The following ETHE1 variants were observed in gnomAD, a reference collection of about 807,000 sequenced individuals.
ETHE1 encodes ETHE1 persulfide dioxygenase.
A neutral mutation model predicts 25.7 loss-of-function variants in ETHE1; 16 were observed. That is an observed-to-expected ratio of 0.62 (90% CI 0.42 to 0.95). The LOEUF is 0.95. ETHE1 is among the 40% of genes least tolerant of loss of function. ETHE1 has a pLI of 0.00. For synonymous variants in ETHE1, 139 were observed against 135.9 expected (o/e 1.02, Z -0.16); for missense variants, 300 against 333.6 (o/e 0.90, Z 0.79).
intron 3 of ETHE1, among the ~76,000 whole-genome samples, chr19:43,515,226 G>A (rs371522386): frequency 3.7e-4 from 56 of 152,078 alleles, no homozygotes; most frequent in African/African-American, 1.0e-3. Context: ...AGACCACCCC[G>A]GCCAATGTGG....
chr19:43,511,536 T>A lies in ETHE1; in HGVS notation c.406A>T (p.Thr136Ser). ...AGGACGAAGGTGACACAGCCTGGGG[T>A]GTGGCCAGGGCTGGCCCTGGTCTCC... ...ALETRASPGH[T>S]PGCVTFVLND... Residue 136 changes from threonine (T) to serine (S), a missense_variant, in exon 4 of 7, where the codon ACC becomes TCC. Coordinates refer to ENST00000292147, the MANE Select transcript of ETHE1 (RefSeq NM_014297.5). 6.2e-7 allele frequency: 1 copy of A among 1,613,988 alleles called. No individual in the cohort carries two copies. The highest frequency in any genetic ancestry group is 8.5e-7 in the Non-Finnish European group (1 of 1,180,010).
In ETHE1 at chr19:43,526,609, C is replaced by T. The variant is rs1358003763; in HGVS notation, c.132G>A (p.Glu44=). ...CTFTYLLGDR[E]SREAVLIDPV... ...GGTCGATCAGAACGGCCTCCCGGGACTCTCTGTCACCCAGCAGGTACGTGA... is the reference window on the plus strand; with the variant it reads ...GGTCGATCAGAACGGCCTCCCGGGATTCTCTGTCACCCAGCAGGTACGTGA... The change falls in exon 2 of 7, where the codon GAG becomes GAA. Residue 44 remains glutamate, a synonymous_variant. Transcript: ENST00000292147. 1 of 1,613,972 alleles carries T rather than the reference C, an allele frequency of 6.2e-7. No homozygotes were observed. The highest frequency in any genetic ancestry group is 8.5e-7 in the Non-Finnish European group (1 of 1,179,970).
chr19:43,508,206 A>G, intron 5 of ETHE1, 146 bp from the exon 6 acceptor site: 1 of 1,325,466 alleles, frequency 7.5e-7, no homozygotes. Flanking sequence ...CTCCATGGAC[A>G]CTATGGGAAA....
Position 43,521,592 on chromosome 19 carries a change from A to T in ETHE1, c.375+4609T>A, listed in dbSNP as rs577301181. 4.2e-4 allele frequency among the ~76,000 whole-genome samples: 64 copies of T among 151,666 alleles called. No individual in the cohort carries two copies. The East Asian group carries it at 0.012, about 28-fold the overall frequency. On this transcript the variant is annotated intron_variant, in intron 3 of 6. Transcript: ENST00000292147. ...TTTAGCGCAGGGAACTGAGGCTCCC[A>T]GAGGGAGGCAGAGATTGCAGTGAGC...
At chr19:43,522,173 ACAC>A (rs2146008528) in intron 3 of ETHE1, among the ~76,000 whole-genome samples, 1 of 152,200 alleles carries the variant, frequency 6.6e-6, no homozygotes, top group South Asian at 2.1e-4. Context: ...TGTAATCCCA[ACAC>A]TTTGGGAGGC....
At chr19:43,515,637 T>C (rs1425097402) in intron 3 of ETHE1, among the ~76,000 whole-genome samples, 2 of 152,026 alleles carry the variant, frequency 1.3e-5, no homozygotes, top group East Asian at 3.9e-4. Flanking sequence ...TGCAATGGCA[T>C]GATCCTGGCT....
intron 6 of ETHE1, among the ~76,000 whole-genome samples, chr19:43,507,372 C>T (rs868132110): frequency 1.3e-3 from 76 of 59,530 alleles, no homozygotes; most frequent in East Asian, 2.0e-3. Context: ...CTCCCTCAGA[C>T]CCAGGAGTCC....
rs752473702 is a variant in ETHE1, at chr19:43,526,446, C to T, written c.226+69G>A. 30 of 1,601,384 alleles carry T rather than the reference C, an allele frequency of 1.9e-5. No individual in the cohort carries two copies. In the South Asian group the frequency reaches 3.2e-4, roughly 17 times the overall value. On this transcript the variant is annotated intron_variant, in intron 2 of 6. Transcript: ENST00000292147. ...CCTCAGACTCAGGAGTTCTGGGCCC[C>T]AGCTTCCCATTCCACTGACGCTGCA...
rs1218798893 is a variant in ETHE1, at chr19:43,513,496, A to C, written c.376-1930T>G. Among the ~76,000 whole-genome samples, 5 of 152,194 alleles carry C rather than the reference A, an allele frequency of 3.3e-5. No homozygotes were observed. The East Asian group carries it at 9.6e-4, about 29-fold the overall frequency. On this transcript the variant is annotated intron_variant, in intron 3 of 6. Coordinates refer to ENST00000292147, the MANE Select transcript of ETHE1 (RefSeq NM_014297.5). ...TGACCTGGATTTGAGACATGGAGTA[A>C]AAGATCTTTTTGGAGCTTTAAGATT...
intron 4 of ETHE1, 149 bp from the exon 5 acceptor site, chr19:43,509,013 G>A: frequency 1.4e-6 from 1 of 715,216 alleles, no homozygotes; most frequent in East Asian, 2.7e-5. Flanking sequence ...GTAGAGAACA[G>A]GGAAAGGCAT....
chr19:43,515,053 A>G (rs73552579), intron 3 of ETHE1, among the ~76,000 whole-genome samples: 3,261 of 152,318 alleles, frequency 0.021, 99 homozygotes, highest in African/African-American at 0.066. Context: ...TAAAAATGGA[A>G]TACCCAACAG....
At chr19:43,508,717 A>G in intron 5 of ETHE1, 58 bp downstream of exon 5, 1 of 1,350,080 alleles carries the variant, frequency 7.4e-7, no homozygotes, top group South Asian at 1.2e-5. Flanking sequence ...GATTACAGAG[A>G]TTTACACTCC....
In ETHE1 at chr19:43,526,894, C is replaced by G. The variant is rs891161409; in HGVS notation, c.81+203G>C. On this transcript the variant is annotated intron_variant, in intron 1 of 6. Coordinates refer to ENST00000292147, the MANE Select transcript of ETHE1 (RefSeq NM_014297.5). ...CCCAGCACGTTCTTTCATAGAGGAC[C>G]CAGGGGTCTGGCCCCAAGCCCAGAG... The G allele has an allele frequency of 2.0e-6, 3 of 1,475,412 alleles. No individual in the cohort carries two copies. The African/African-American group carries it at 4.2e-5, about 21-fold the overall frequency. 91.4% of individuals were successfully genotyped at this position (1,475,412 alleles called of 1,614,324 possible). A position where few individuals can be genotyped will look rare whatever the true frequency, so the allele number is the denominator to read the frequency against.
chr19:43,526,097 C>T lies in ETHE1; in HGVS notation c.375+104G>A, dbSNP rs1184452230. 3 of 1,568,418 alleles carry T rather than the reference C, an allele frequency of 1.9e-6. No individual in the cohort carries two copies. In the African/African-American group the frequency reaches 4.1e-5, roughly 21 times the overall value. The stretch of plus-strand genomic sequence containing the variant: ...GGGTCAGAAACCCAGGTCCTGAGGT[C>T]CCTCCTCCCCAAGGACTCAGGATCC... On this transcript the variant is annotated intron_variant, in intron 3 of 6. Transcript: ENST00000292147.
chr19:43,521,680 AAAAAG>A (rs972322602), intron 3 of ETHE1, among the ~76,000 whole-genome samples: 65 of 146,662 alleles, frequency 4.4e-4, no homozygotes, highest in African/African-American at 5.3e-4. Context: ...TAAAAAAAAA[AAAAAG>A]AAAGAAAGAA....
chr19:43,525,866 C>G (rs553748974), intron 3 of ETHE1: 4 of 390,436 alleles, frequency 1.0e-5, no homozygotes, highest in African/African-American at 8.2e-5. Flanking sequence ...CTCTTTCCTT[C>G]TCAGCCCTGC....
intron 4 of ETHE1, 91 bp downstream of exon 4, chr19:43,511,346 G>C: frequency 6.3e-7 from 1 of 1,580,202 alleles, no homozygotes; most frequent in Non-Finnish European, 8.7e-7. Flanking sequence ...AAAGTCTAAT[G>C]TCCATCCATT....
At chr19:43,514,530 G>A (rs968580110) in intron 3 of ETHE1, among the ~76,000 whole-genome samples, 1 of 135,762 alleles carries the variant, frequency 7.4e-6, no homozygotes, top group African/African-American at 2.9e-5. Flanking sequence ...CTGTCACCCA[G>A]GCTGCAGTGC....
chr19:43,507,070 C>T (rs939823178), intron 6 of ETHE1, among the ~76,000 whole-genome samples, 168 bp from the exon 7 acceptor site: 3 of 150,802 alleles, frequency 2.0e-5, no homozygotes, highest in East Asian at 2.0e-4. Context: ...CCCCTCCTCC[C>T]TCAGACCCAG....
Sources: allele counts gnomAD v4.1 joint callset (sites outside exome capture counted in the v4.1 genomes callset), GRCh38; gene constraint gnomAD v4.1.1; transcripts MANE v1.5; gene names NCBI Gene and HGNC (gene_info 2026-07-23, HGNC 2026-07-21).